The following UNC5D variants were observed in gnomAD, a reference collection of about 807,000 sequenced individuals.
UNC5D encodes the protein unc-5 netrin receptor D, also known as netrin receptor UNC5D.
UNC5D carries 39 observed loss-of-function variants against 105.4 expected under a neutral mutation model. The observed-to-expected ratio is 0.37, with a 90% CI of 0.29 to 0.48. UNC5D has a LOEUF of 0.48. Among genes scored for constraint, UNC5D ranks in the 20% least tolerant of loss-of-function variants. UNC5D has a pLI of 0.98. For missense variants in UNC5D, 991 were observed against 1,202.4 expected (o/e 0.82, Z 2.60); for synonymous variants, 452 against 450.4 (o/e 1.00, Z -0.04).
At chr8:35,641,366 C>CAAAAAAAAAAAAAAAAAAAAAAAAAAA (rs377021599) in intron 4 of UNC5D, among the ~76,000 whole-genome samples, 16 of 44,282 alleles carry the variant, frequency 3.6e-4, no homozygotes, top group South Asian at 9.7e-4. Context: ...AAAAATAAAG[C>CAAAAAAAAAAAAAAAAAAAAAAAAAAA]AAAAAAAAAA....
At chr8:35,765,664 G>A (rs1586610729) in intron 14 of UNC5D, among the ~76,000 whole-genome samples, 1 of 152,248 alleles carries the variant, frequency 6.6e-6, no homozygotes, top group East Asian at 1.9e-4. Context: ...ATCCAAACAA[G>A]TGTGCACATA....
chr8:35,555,555 C>T (rs942676695), intron 2 of UNC5D, among the ~76,000 whole-genome samples: 3 of 152,182 alleles, frequency 2.0e-5, no homozygotes, highest in East Asian at 1.9e-4. Context: ...AGGCAGGGCA[C>T]GGTTGCTCAT....
At chr8:35,414,878 T>C (rs1461217029) in intron 1 of UNC5D, among the ~76,000 whole-genome samples, 2 of 152,088 alleles carry the variant, frequency 1.3e-5, no homozygotes, top group Non-Finnish European at 2.9e-5. Flanking sequence ...AATTATGCAC[T>C]AGGCCCTGAA....
intron 4 of UNC5D, among the ~76,000 whole-genome samples, chr8:35,670,487 A>G (rs2131272383): frequency 6.6e-6 from 1 of 152,318 alleles, no homozygotes; most frequent in East Asian, 1.9e-4. Flanking sequence ...GACTGCATAA[A>G]GAAAATGTGG....
chr8:35,681,951 T>G (rs1447486903), intron 4 of UNC5D, among the ~76,000 whole-genome samples: 1 of 150,498 alleles, frequency 6.6e-6, no homozygotes, highest in African/African-American at 2.5e-5. Flanking sequence ...CAAATAATTA[T>G]AGAAGAGACG....
chr8:35,535,110 T>G (rs182311177), intron 1 of UNC5D, among the ~76,000 whole-genome samples: 3 of 152,146 alleles, frequency 2.0e-5, no homozygotes, highest in Admixed American at 1.3e-4. Flanking sequence ...AGACCCTGGG[T>G]GCCAACAAAA....
intron 7 of UNC5D, among the ~76,000 whole-genome samples, chr8:35,701,958 CTG>C (rs1229336103): frequency 6.7e-6 from 1 of 149,640 alleles, no homozygotes; most frequent in Admixed American, 6.7e-5. Context: ...TACCTAGTAA[CTG>C]TGTAAGGATA....
intron 1 of UNC5D, among the ~76,000 whole-genome samples, chr8:35,474,481 A>G (rs1327763988): frequency 5.3e-5 from 8 of 152,240 alleles, no homozygotes; most frequent in Non-Finnish European, 1.2e-4. Flanking sequence ...TACGATGTAT[A>G]TGATATACAT....
At chr8:35,407,519 A>G (rs1270984952) in intron 1 of UNC5D, among the ~76,000 whole-genome samples, 1 of 151,574 alleles carries the variant, frequency 6.6e-6, no homozygotes, top group Non-Finnish European at 1.5e-5. Flanking sequence ...GTATGTATGT[A>G]TGTATGTATG....
At chr8:35,480,204 G>A (rs1810388031) in intron 1 of UNC5D, among the ~76,000 whole-genome samples, 1 of 152,174 alleles carries the variant, frequency 6.6e-6, no homozygotes, top group South Asian at 2.1e-4. Flanking sequence ...ACTCTTAACA[G>A]TATATGGTTC....
At chr8:35,775,731 A>G (rs1455184891) in intron 16 of UNC5D, among the ~76,000 whole-genome samples, 1 of 151,874 alleles carries the variant, frequency 6.6e-6, no homozygotes, top group Non-Finnish European at 1.5e-5. Context: ...GGGAGGGTAG[A>G]TGTCTGCCAA....
chr8:35,602,201 C>T (rs958378742), intron 4 of UNC5D, among the ~76,000 whole-genome samples: 13 of 151,886 alleles, frequency 8.6e-5, no homozygotes, highest in African/African-American at 3.1e-4. Flanking sequence ...TTGGTTTGCC[C>T]GTATTTTATT....
intron 1 of UNC5D, among the ~76,000 whole-genome samples, chr8:35,250,148 T>C (rs1384850236): frequency 6.6e-6 from 1 of 152,176 alleles, no homozygotes. Flanking sequence ...ATGTGTGTAA[T>C]TGAAATTCTG....
chr8:35,766,929 A>G lies in UNC5D; in HGVS notation c.2341A>G (p.Ser781Gly), dbSNP rs1173375171. 9 of 1,613,600 alleles carry G rather than the reference A, an allele frequency of 5.6e-6. No homozygotes were observed. Among genetic ancestry groups the G allele is most frequent in the Non-Finnish European group, 6.8e-6 (8 of 1,179,830 alleles). ...QEVPFSRVWC[S>G]NRQPLHCAFS... ...AGTCCCGTTCTCCCGCGTGTGGTGC[A>G]GTAACCGGCAGCCCCTGCACTGTGC... Residue 781 changes from serine to glycine, a missense_variant, in exon 15 of 17, where the codon AGT (serine) becomes GGT (glycine). Coordinates refer to ENST00000404895, the MANE Select transcript of UNC5D (RefSeq NM_080872.4).
At chr8:35,280,227 C>A (rs546107015) in intron 1 of UNC5D, among the ~76,000 whole-genome samples, 51 of 152,236 alleles carry the variant, frequency 3.4e-4, no homozygotes, top group African/African-American at 1.1e-3. Flanking sequence ...AACTCCTGAA[C>A]TCAAGTGATC....
intron 1 of UNC5D, among the ~76,000 whole-genome samples, chr8:35,380,958 G>A (rs1803008203): frequency 6.8e-6 from 1 of 146,000 alleles, no homozygotes; most frequent in African/African-American, 2.5e-5. Context: ...TCTAATCACT[G>A]AATAATGAGT....
intron 15 of UNC5D, among the ~76,000 whole-genome samples, chr8:35,770,879 A>T (rs898902270): frequency 1.3e-5 from 2 of 151,884 alleles, no homozygotes; most frequent in African/African-American, 4.8e-5. Context: ...TTGATTTACA[A>T]CTCCCTTAGC....
chr8:35,383,415 G>A (rs1013875887), intron 1 of UNC5D, among the ~76,000 whole-genome samples: 4 of 152,194 alleles, frequency 2.6e-5, no homozygotes, highest in African/African-American at 4.8e-5. Context: ...AGATGACTAG[G>A]CAATGCGAAA....
At chr8:35,328,047 TTTTG>T (rs948530974) in intron 1 of UNC5D, among the ~76,000 whole-genome samples, 19 of 152,182 alleles carry the variant, frequency 1.2e-4, no homozygotes, top group African/African-American at 3.9e-4. Flanking sequence ...AGGATGTGTT[TTTTG>T]TTTGTTTGTT....
Sources: allele counts gnomAD v4.1 joint callset (sites outside exome capture counted in the v4.1 genomes callset), GRCh38; gene constraint gnomAD v4.1.1; transcripts MANE v1.5; gene names NCBI Gene and HGNC (gene_info 2026-07-23, HGNC 2026-07-21).